Variants in TOX observed in about 807,000 individuals in gnomAD.
The protein encoded by TOX is thymocyte selection-associated high mobility group box protein TOX.
In TOX, 11 loss-of-function variants were observed where a neutral mutation model predicts 53.7. That is an observed-to-expected ratio of 0.20 (90% confidence interval 0.13 to 0.34). TOX has a LOEUF of 0.34. Ranked by LOEUF, TOX falls within the 10% of genes least tolerant of loss-of-function variation. The pLI, the probability that TOX is intolerant of heterozygous loss-of-function variation, is 1.00. For synonymous variants in TOX, 225 were observed against 245.3 expected, an observed-to-expected ratio of 0.92 and a Z score of 0.77; for missense variants, 570 against 664.6, an observed-to-expected ratio of 0.86 and a Z score of 1.56.
At chr8:59,094,389 G>A (rs1009906108) in intron 1 of TOX, among the ~76,000 whole-genome samples, 3 of 152,072 alleles carry the variant, frequency 2.0e-5, no homozygotes, top group African/African-American at 7.2e-5. Context: ...TGTAGTCCCA[G>A]CACTCTGGGA....
intron 3 of TOX, among the ~76,000 whole-genome samples, chr8:58,870,705 T>C (rs186843948): frequency 2.7e-4 from 41 of 151,506 alleles, no homozygotes; most frequent in Non-Finnish European, 5.8e-4. Flanking sequence ...TGGAACAGAA[T>C]AGAGGGCCCA....
chr8:58,879,989 T>C (rs1811356500), intron 3 of TOX, among the ~76,000 whole-genome samples: 1 of 152,246 alleles, frequency 6.6e-6, no homozygotes. Context: ...TTATCTTTAC[T>C]GTCTTTTTAA....
At chr8:59,003,463 G>C (rs1475577452) in intron 1 of TOX, among the ~76,000 whole-genome samples, 1 of 152,182 alleles carries the variant, frequency 6.6e-6, no homozygotes, top group Non-Finnish European at 1.5e-5. Flanking sequence ...ATAAGGAAGA[G>C]GGCGCTACAG....
At chr8:58,946,950 CTT>C (rs1166627709) in intron 2 of TOX, among the ~76,000 whole-genome samples, 1 of 152,018 alleles carries the variant, frequency 6.6e-6, no homozygotes, top group Non-Finnish European at 1.5e-5. Context: ...ACTAGATCTT[CTT>C]TTAGTTGCAT....
chr8:58,819,301 A>G (rs1044957293), intron 6 of TOX, among the ~76,000 whole-genome samples: 1 of 152,204 alleles, frequency 6.6e-6, no homozygotes, highest in Non-Finnish European at 1.5e-5. Context: ...CCACTTTTAA[A>G]CACATTAACC....
chr8:58,981,799 T>C (rs1417681720), intron 1 of TOX, among the ~76,000 whole-genome samples: 1 of 152,164 alleles, frequency 6.6e-6, no homozygotes, highest in Non-Finnish European at 1.5e-5. Context: ...CCTTCTTTCT[T>C]TTTGGCTTCA....
chr8:59,082,795 T>C (rs1308892590), intron 1 of TOX, among the ~76,000 whole-genome samples: 4 of 152,190 alleles, frequency 2.6e-5, no homozygotes, highest in Non-Finnish European at 5.9e-5. Context: ...TAATATATCC[T>C]CATTTGCGTA....
chr8:59,033,556 A>G (rs1284666778), intron 1 of TOX, among the ~76,000 whole-genome samples: 2 of 152,226 alleles, frequency 1.3e-5, no homozygotes, highest in Non-Finnish European at 2.9e-5. Flanking sequence ...TTTCCACAAT[A>G]ATAAAAAGGT....
intron 1 of TOX, among the ~76,000 whole-genome samples, chr8:59,114,387 C>A (rs969615819): frequency 6.6e-6 from 1 of 152,040 alleles, no homozygotes; most frequent in Non-Finnish European, 1.5e-5. Flanking sequence ...CTGAAATAAC[C>A]CACACAGTCA....
intron 4 of TOX, among the ~76,000 whole-genome samples, chr8:58,850,184 C>G (rs1030502412): frequency 5.3e-5 from 8 of 152,096 alleles, no homozygotes; most frequent in Non-Finnish European, 1.0e-4. Flanking sequence ...TGTTCTAAAA[C>G]GTACTTGGGA....
At chr8:59,088,787 T>C (rs528708922) in intron 1 of TOX, among the ~76,000 whole-genome samples, 1 of 152,166 alleles carries the variant, frequency 6.6e-6, no homozygotes. Context: ...AGACAATGCA[T>C]CACTGCTTGC....
At chr8:59,066,274 A>G (rs542114195) in intron 1 of TOX, among the ~76,000 whole-genome samples, 1 of 152,350 alleles carries the variant, frequency 6.6e-6, no homozygotes, top group South Asian at 2.1e-4. Context: ...AATAAGTCAC[A>G]GTTAAAGGCT....
intron 1 of TOX, among the ~76,000 whole-genome samples, chr8:59,049,743 G>A (rs1253453286): frequency 6.6e-6 from 1 of 152,074 alleles, no homozygotes; most frequent in Non-Finnish European, 1.5e-5. Context: ...ATTTCTGCTG[G>A]CTACTGATAC....
intron 1 of TOX, among the ~76,000 whole-genome samples, chr8:58,981,673 C>A (rs1563408366): frequency 6.6e-6 from 1 of 152,152 alleles, no homozygotes; most frequent in African/African-American, 2.4e-5. Context: ...AATCCCTTAC[C>A]ACCTTCTCTA....
At chr8:58,958,751 A>G (rs1038880418) in intron 2 of TOX, among the ~76,000 whole-genome samples, 18 of 152,318 alleles carry the variant, frequency 1.2e-4, no homozygotes, top group Admixed American at 9.8e-4. Flanking sequence ...GAACTTCATG[A>G]TGACCTTTTC....
At chr8:59,102,861 G>A (rs1193820651) in intron 1 of TOX, among the ~76,000 whole-genome samples, 1 of 152,094 alleles carries the variant, frequency 6.6e-6, no homozygotes, top group Non-Finnish European at 1.5e-5. Context: ...TATGTTACAG[G>A]CCTCTCTCAG....
intron 3 of TOX, among the ~76,000 whole-genome samples, chr8:58,935,257 C>T (rs62508360): frequency 0.14 from 21,013 of 152,000 alleles, 1,595 homozygotes; most frequent in Non-Finnish European, 0.16. Context: ...AAAATCTATA[C>T]AGTATCTAAA....
intron 6 of TOX, among the ~76,000 whole-genome samples, chr8:58,819,330 G>A (rs552199274): frequency 6.6e-6 from 1 of 152,316 alleles, no homozygotes; most frequent in South Asian, 2.1e-4. Context: ...TTAGCAATGA[G>A]TGTCATGTTG....
intron 1 of TOX, among the ~76,000 whole-genome samples, chr8:59,057,202 T>C (rs539768044): frequency 6.6e-6 from 1 of 152,244 alleles, no homozygotes; most frequent in East Asian, 1.9e-4. Flanking sequence ...AATAAAAATA[T>C]GATTCAGGGA....
Sources: gnomAD v4.1 joint callset for allele counts (sites outside exome capture counted in the v4.1 genomes callset) on GRCh38, gnomAD v4.1.1 for gene constraint, MANE v1.5 for transcripts, NCBI Gene and HGNC (gene_info 2026-07-23, HGNC 2026-07-21) for gene names.